Variants in ABLIM2 observed in about 807,000 individuals in gnomAD.
ABLIM2 encodes actin binding LIM protein family member 2, also known as actin-binding LIM protein 2.
In ABLIM2, 53 loss-of-function variants were observed where a neutral mutation model predicts 97.7. That is an observed-to-expected ratio of 0.54 (90% CI 0.44 to 0.68). ABLIM2 has a LOEUF of 0.68. Among genes scored for constraint, ABLIM2 ranks in the 30% least tolerant of loss-of-function variants. The pLI, the probability that ABLIM2 is intolerant of heterozygous loss-of-function variation, is 0.00. For synonymous variants in ABLIM2, 361 were observed against 345.8 expected, an observed-to-expected ratio of 1.04 and a Z score of -0.49; for missense variants, 835 against 867.2, an observed-to-expected ratio of 0.96 and a Z score of 0.47.
rs917641335 is a variant in ABLIM2, at chr4:8,127,298, A to G, written c.11-20661T>C. Among the ~76,000 whole-genome samples, 9 of 152,148 alleles carry G rather than the reference A, an allele frequency of 5.9e-5. No individual in the cohort carries two copies. Among genetic ancestry groups the G allele is most frequent in the African/African-American group, 1.4e-4 (6 of 41,440 alleles). On this transcript the variant is annotated intron_variant, in intron 1 of 20. Coordinates refer to ENST00000447017, the MANE Select transcript of ABLIM2 (RefSeq NM_001130083.2). The surrounding 1 kb of genome is among the most constrained non-coding windows in gnomAD (Gnocchi z 7.3). The stretch of plus-strand genomic sequence containing the variant: ...TCCCCAGCCTTAGCTGACCTGTACA[A>G]TGGGGTCACCCTCCTCACCCCACAG...
intron 20 of ABLIM2, among the ~76,000 whole-genome samples, chr4:7,973,704 C>A (rs1730206203): frequency 6.6e-6 from 1 of 152,164 alleles, no homozygotes; most frequent in Admixed American, 6.5e-5. Context: ...AAGCCCTGCC[C>A]TGCCAAGCAA....
Position 8,054,397 on chromosome 4 carries a change from G to A in ABLIM2, c.764-151C>T, listed in dbSNP as rs1373686787. Among the ~76,000 whole-genome samples, 1 of 152,372 alleles carries A rather than the reference G, an allele frequency of 6.6e-6. No homozygotes were observed. The highest frequency in any genetic ancestry group is 2.4e-5 in the African/African-American group (1 of 41,584). On this transcript the variant is annotated intron_variant, in intron 7 of 20. Transcript: ENST00000447017. This position sits in a 1 kb window ranked among gnomAD's most constrained non-coding sequence, Gnocchi z 4.9. ...GGCCCTGAGCATCCTCTCTGTGCTG[G>A]AGTTAGTGCCGGGCAGGGGGTACCC...
intron 3 of ABLIM2, 127 bp downstream of exon 3, chr4:8,096,972 C>T: frequency 8.2e-7 from 1 of 1,212,726 alleles, no homozygotes; most frequent in Non-Finnish European, 1.1e-6. Context: ...GGGCCTGGAA[C>T]AGCCTCGCTG....
At chr4:8,135,571 GA>G (rs1200909582) in intron 1 of ABLIM2, among the ~76,000 whole-genome samples, 1 of 152,230 alleles carries the variant, frequency 6.6e-6, no homozygotes, top group African/African-American at 2.4e-5. Flanking sequence ...GATGAACCAG[GA>G]AGCAGTCCTT....
chr4:8,088,368 G>C, intron 3 of ABLIM2, 84 bp from the exon 4 acceptor site: 2 of 1,049,324 alleles, frequency 1.9e-6, no homozygotes, highest in Middle Eastern at 2.0e-4. Flanking sequence ...GGAGACCAGG[G>C]CCAATGTCTC....
chr4:8,016,071 G>A (rs1349157472), intron 14 of ABLIM2, among the ~76,000 whole-genome samples: 7 of 125,928 alleles, frequency 5.6e-5, no homozygotes, highest in Non-Finnish European at 6.3e-5. Context: ...TTGAGATGGA[G>A]TCTCACTCTG....
rs1048400077 is a variant in ABLIM2, at chr4:7,992,178, C to T, written c.1680+688G>A. Among the ~76,000 whole-genome samples, 1 of 151,964 alleles carries T rather than the reference C, an allele frequency of 6.6e-6. No individual in the cohort carries two copies. Among genetic ancestry groups the T allele is most frequent in the East Asian group, 1.9e-4 (1 of 5,160 alleles). ...GTGACGCTGTGGGCAGAGGAACAAA[C>T]ATAAGCCGCTCTTCCTAAGGCGTTC... On this transcript the variant is annotated intron_variant, in intron 17 of 20. Coordinates refer to ENST00000447017, the MANE Select transcript of ABLIM2 (RefSeq NM_001130083.2). The surrounding 1 kb of genome is among the most constrained non-coding windows in gnomAD (Gnocchi z 5.7).
At chr4:8,074,553 C>A (rs1289145755) in intron 6 of ABLIM2, among the ~76,000 whole-genome samples, 1 of 152,146 alleles carries the variant, frequency 6.6e-6, no homozygotes, top group African/African-American at 2.4e-5. Context: ...GATTGTAAAT[C>A]AGAATAATCT....
chr4:8,157,038 C>T (rs917689977), intron 1 of ABLIM2, among the ~76,000 whole-genome samples: 1 of 152,180 alleles, frequency 6.6e-6, no homozygotes, highest in Non-Finnish European at 1.5e-5. Flanking sequence ...AGGTGTGGGG[C>T]TCTTCATGTT....
rs1054537642 is a variant in ABLIM2 at position 8,132,852 on chromosome 4, T to G, written c.10+25828A>C. ...GATGCCTCTGAAAGTGTCCAGCCCC[T>G]ACCCGGGCACGTGGTGGGCACTCGG... On this transcript the variant is annotated intron_variant, in intron 1 of 20. Transcript: ENST00000447017. This position sits in a 1 kb window ranked among gnomAD's most constrained non-coding sequence, Gnocchi z 8.0. 6.6e-6 allele frequency among the ~76,000 whole-genome samples: 1 copy of G among 152,188 alleles called. No homozygotes were observed. The highest frequency in any genetic ancestry group is 2.4e-5 in the African/African-American group (1 of 41,460).
At chr4:8,028,169 A>T (rs1290509095) in intron 11 of ABLIM2, among the ~76,000 whole-genome samples, 6 of 152,154 alleles carry the variant, frequency 3.9e-5, no homozygotes, top group Non-Finnish European at 8.8e-5. Flanking sequence ...GGGATCAAGG[A>T]CTCAGCTGGA....
rs1430992711 is a variant in ABLIM2, at chr4:8,150,263, G to A, written c.10+8417C>T. On this transcript the variant is annotated intron_variant, in intron 1 of 20. Transcript: ENST00000447017. This position sits in a 1 kb window ranked among gnomAD's most constrained non-coding sequence, Gnocchi z 6.3. The stretch of plus-strand genomic sequence containing the variant: ...AGGTCTGCAGAAGCAGAGGGTCAGA[G>A]AGACAGGCCAGGCTGTCTTATGGAA... 6.6e-6 allele frequency among the ~76,000 whole-genome samples: 1 copy of A among 152,232 alleles called. No individual in the cohort carries two copies.
At position 8,015,371 on chromosome 4, in the gene ABLIM2, T is replaced by C. The variant is rs1226018281; in HGVS notation, c.1423+4247A>G. Among the ~76,000 whole-genome samples, 2 of 151,922 alleles carry C rather than the reference T, an allele frequency of 1.3e-5. No individual in the cohort carries two copies. The highest frequency in any genetic ancestry group is 2.9e-5 in the Non-Finnish European group (2 of 67,962). On this transcript the variant is annotated intron_variant, in intron 14 of 20. Coordinates refer to ENST00000447017, the MANE Select transcript of ABLIM2 (RefSeq NM_001130083.2). This position sits in a 1 kb window ranked among gnomAD's most constrained non-coding sequence, Gnocchi z 4.6. The stretch of plus-strand genomic sequence containing the variant: ...CTCTAGGGAGAGGCTGAGTTCCTAC[T>C]CCCCGGCTCCCCTGGGGAGCCTCAG...
intron 1 of ABLIM2, among the ~76,000 whole-genome samples, chr4:8,129,619 A>G (rs891183213): frequency 6.6e-6 from 1 of 152,036 alleles, no homozygotes; most frequent in Non-Finnish European, 1.5e-5. Context: ...AGCCCACCAC[A>G]CTGTGCTGTC....
rs1393061435 is a variant in ABLIM2, at chr4:8,095,613, G to A, written c.338+1486C>T. On this transcript the variant is annotated intron_variant, in intron 3 of 20. Coordinates refer to ENST00000447017, the MANE Select transcript of ABLIM2 (RefSeq NM_001130083.2). The surrounding 1 kb of genome is among the most constrained non-coding windows in gnomAD (Gnocchi z 4.7). ...TTCCCAAGCTGGTCTCCAGTTCCTG[G>A]TCTCAAGCGATCCTCCTACCTTGGC... is the stretch of plus-strand genomic sequence containing the variant. Among the ~76,000 whole-genome samples, 3 of 152,088 alleles carry A rather than the reference G, an allele frequency of 2.0e-5. No homozygotes were observed. The highest frequency in any genetic ancestry group is 7.2e-5 in the African/African-American group (3 of 41,406).
At chr4:7,989,655 C>T (rs892701780) in intron 17 of ABLIM2, among the ~76,000 whole-genome samples, 2 of 152,128 alleles carry the variant, frequency 1.3e-5, no homozygotes, top group African/African-American at 4.8e-5. Context: ...TTTTGCTTAT[C>T]CTTTAAAAGT....
intron 1 of ABLIM2, among the ~76,000 whole-genome samples, chr4:8,139,094 G>A (rs1184264555): frequency 6.6e-6 from 1 of 152,196 alleles, no homozygotes; most frequent in Non-Finnish European, 1.5e-5. Flanking sequence ...TCCTTGGGAG[G>A]CTGAGGGCAG....
At chr4:8,139,065 A>C (rs1350985276) in intron 1 of ABLIM2, among the ~76,000 whole-genome samples, 1 of 152,184 alleles carries the variant, frequency 6.6e-6, no homozygotes, top group Non-Finnish European at 1.5e-5. Flanking sequence ...ACATGGTGGC[A>C]GACACTTGTA....
intron 17 of ABLIM2, among the ~76,000 whole-genome samples, chr4:7,991,325 T>C (rs1748545091): frequency 6.6e-6 from 1 of 152,270 alleles, no homozygotes; most frequent in African/African-American, 2.4e-5. Context: ...CAGAGTGTGC[T>C]GCTCTCTCGC....
Sources: gnomAD v4.1 joint callset for allele counts (sites outside exome capture counted in the v4.1 genomes callset) on GRCh38, gnomAD v4.1.1 for gene constraint, Gnocchi (gnomAD v3.1) non-coding constraint, MANE v1.5 for transcripts, NCBI Gene and HGNC (gene_info 2026-07-23, HGNC 2026-07-21) for gene names.